RFX3: variants seen among roughly 807,000 people sequenced by gnomAD.
The protein encoded by RFX3 is regulatory factor X3, also known as transcription factor RFX3.
Under a neutral mutation model 98.6 loss-of-function variants are expected in RFX3, and 14 were observed. The ratio of observed to expected loss-of-function variants is 0.14; its 90% CI spans 0.09 to 0.22. RFX3 has a LOEUF of 0.22. Among genes scored for constraint, RFX3 ranks in the 10% least tolerant of loss-of-function variants. The pLI is 1.00. For synonymous variants in RFX3, 383 were observed against 328.4 expected, an observed-to-expected ratio of 1.17 and a Z score of -1.80; for missense variants, 639 against 926.9, an observed-to-expected ratio of 0.69 and a Z score of 4.03.
At chr9:3,253,260 T>A (rs987476849) in intron 14 of RFX3, among the ~76,000 whole-genome samples, 1 of 152,346 alleles carries the variant, frequency 6.6e-6, no homozygotes, top group South Asian at 2.1e-4. Flanking sequence ...GGTGAGAACA[T>A]CACGCCTGTG....
intron 2 of RFX3, among the ~76,000 whole-genome samples, chr9:3,369,526 T>C (rs1253766242): frequency 6.6e-6 from 1 of 152,182 alleles, no homozygotes; most frequent in Non-Finnish European, 1.5e-5. Context: ...TTTCCTTATT[T>C]CATGACTTTC....
chr9:3,448,105 T>C (rs1846210257), intron 1 of RFX3, among the ~76,000 whole-genome samples: 1 of 152,210 alleles, frequency 6.6e-6, no homozygotes, highest in Admixed American at 6.5e-5. Flanking sequence ...CTTCAAGAAC[T>C]ACAGACATAT....
intron 1 of RFX3, among the ~76,000 whole-genome samples, chr9:3,420,053 ATG>A (rs1843311414): frequency 1.3e-5 from 2 of 152,206 alleles, no homozygotes; most frequent in Non-Finnish European, 2.9e-5. Flanking sequence ...GACTAGCTAA[ATG>A]TGGCAGAAAG....
intron 1 of RFX3, among the ~76,000 whole-genome samples, chr9:3,446,003 G>T (rs987281944): frequency 3.9e-5 from 6 of 151,906 alleles, no homozygotes; most frequent in Admixed American, 3.3e-4. Context: ...ATTCATACTG[G>T]TATTATTTAT....
intron 6 of RFX3, 91 bp downstream of exon 6, chr9:3,292,986 T>A: frequency 1.0e-6 from 1 of 1,000,562 alleles, no homozygotes; most frequent in Non-Finnish European, 1.5e-6. Context: ...ATATATTGTC[T>A]GTAATCAAGT....
chr9:3,480,639 T>C (rs1849667535), intron 1 of RFX3, among the ~76,000 whole-genome samples: 1 of 152,180 alleles, frequency 6.6e-6, no homozygotes, highest in African/African-American at 2.4e-5. Context: ...CAGATTCTAT[T>C]CTCTGTTCTT....
chr9:3,285,664 T>C lies in RFX3; in HGVS notation c.851+2467A>G, dbSNP rs75573610. On this transcript the variant is annotated intron_variant, in intron 7 of 16. Coordinates refer to ENST00000617270, the MANE Select transcript of RFX3 (RefSeq NM_001282116.2). ...ACATCATTTTAAGAGCAACTGTCTA[T>C]AATCCTAAACTTGTATCATTAAAAA... Among the ~76,000 whole-genome samples, 676 of 151,806 alleles carry C rather than the reference T, an allele frequency of 4.5e-3. 12 individuals carry two copies. The East Asian group carries it at 0.067, about 15-fold the overall frequency.
intron 2 of RFX3, among the ~76,000 whole-genome samples, chr9:3,387,160 C>T (rs1258255242): frequency 1.3e-5 from 2 of 152,134 alleles, no homozygotes; most frequent in South Asian, 2.1e-4. Flanking sequence ...ACATTATTGA[C>T]CCTCACTCCC....
At chr9:3,510,733 C>T (rs1468039879) in intron 1 of RFX3, among the ~76,000 whole-genome samples, 1 of 151,998 alleles carries the variant, frequency 6.6e-6, no homozygotes, top group Non-Finnish European at 1.5e-5. Flanking sequence ...CTGAAAATAA[C>T]ATGTACATTC....
chr9:3,287,651 C>G (rs1381439602), intron 7 of RFX3, among the ~76,000 whole-genome samples: 3 of 151,948 alleles, frequency 2.0e-5, no homozygotes, highest in Non-Finnish European at 4.4e-5. Context: ...TCCATCCATT[C>G]ATGAATGCTT....
intron 4 of RFX3, among the ~76,000 whole-genome samples, chr9:3,306,604 G>GT (rs1829344848): frequency 8.0e-6 from 1 of 125,544 alleles, no homozygotes. Flanking sequence ...CTGTTGTGGG[G>GT]TGGGGGGAGG....
intron 6 of RFX3, among the ~76,000 whole-genome samples, chr9:3,289,736 GTCT>G (rs1827098194): frequency 6.6e-6 from 1 of 151,904 alleles, no homozygotes; most frequent in Admixed American, 6.6e-5. Context: ...CATATCCATG[GTCT>G]TCTTTACTCA....
Position 3,218,969 on chromosome 9 carries a change from G to A in RFX3, c.*6073C>T, listed in dbSNP as rs956315842. ...GAAGTTTTACCTAGAAGGTACGAAAGCCCTGAGTGATAGTGAAGTTACTGA... is the reference window on the plus strand; with the variant it reads ...GAAGTTTTACCTAGAAGGTACGAAAACCCTGAGTGATAGTGAAGTTACTGA... On this transcript the variant is annotated 3_prime_UTR_variant, in exon 17 of 17. Coordinates refer to ENST00000617270, the MANE Select transcript of RFX3 (RefSeq NM_001282116.2). 6.6e-6 allele frequency: 1 copy of A among 151,978 alleles called. No individual in the cohort carries two copies. Among genetic ancestry groups the A allele is most frequent in the African/African-American group, 2.4e-5 (1 of 41,358 alleles). The allele number at this position is 151,978 out of a possible 1,614,324, so 9.4% of individuals were successfully genotyped here. A position where few individuals can be genotyped will look rare whatever the true frequency, so the allele number is the denominator to read the frequency against.
chr9:3,404,437 T>C (rs1841775508), intron 1 of RFX3, among the ~76,000 whole-genome samples: 1 of 152,166 alleles, frequency 6.6e-6, no homozygotes, highest in Non-Finnish European at 1.5e-5. Context: ...AAGTCATCTA[T>C]ACTGAATTAC....
At chr9:3,434,880 A>G (rs550212667) in intron 1 of RFX3, among the ~76,000 whole-genome samples, 2 of 152,230 alleles carry the variant, frequency 1.3e-5, no homozygotes, top group Non-Finnish European at 2.9e-5. Flanking sequence ...TAGATGGTAC[A>G]GCCTATTATA....
intron 1 of RFX3, among the ~76,000 whole-genome samples, chr9:3,480,798 G>A (rs1849688331): frequency 1.3e-5 from 2 of 151,358 alleles, no homozygotes; most frequent in African/African-American, 4.9e-5. Context: ...AATTATACAT[G>A]CCCTGCCTGT....
chr9:3,365,248 C>T (rs747256858), intron 2 of RFX3, among the ~76,000 whole-genome samples: 1 of 143,432 alleles, frequency 7.0e-6, no homozygotes, highest in African/African-American at 2.6e-5. Flanking sequence ...TGCAGTGAGC[C>T]GAGATCACAC....
intron 7 of RFX3, 38 bp downstream of exon 7, chr9:3,288,093 C>A: frequency 6.3e-7 from 1 of 1,599,872 alleles, no homozygotes; most frequent in Non-Finnish European, 8.5e-7. Context: ...CTAAGAAATA[C>A]ATAGCTTGGA....
At chr9:3,476,708 G>T (rs1018862391) in intron 1 of RFX3, among the ~76,000 whole-genome samples, 28 of 152,228 alleles carry the variant, frequency 1.8e-4, no homozygotes, top group African/African-American at 6.7e-4. Context: ...GCTTTATTCA[G>T]TTGTGTTTTA....
Sources: allele counts gnomAD v4.1 joint callset (sites outside exome capture counted in the v4.1 genomes callset), GRCh38; gene constraint gnomAD v4.1.1; transcripts MANE v1.5; gene names NCBI Gene and HGNC (gene_info 2026-07-23, HGNC 2026-07-21).